GHR: variants seen among roughly 807,000 people sequenced by gnomAD.
GHR encodes GH receptor.
Under a neutral mutation model 67.1 loss-of-function variants are expected in GHR, and 35 were observed. The ratio of observed to expected loss-of-function variants is 0.52; its 90% CI spans 0.40 to 0.69. The LOEUF (loss-of-function observed/expected upper bound fraction) is 0.69. GHR is among the 30% of genes least tolerant of loss of function. The pLI is 0.00. For missense variants in GHR, 792 were observed against 764.6 expected (o/e 1.04, Z -0.42); for synonymous variants, 272 against 269.1 (o/e 1.01, Z -0.10).
In GHR at chr5:42,507,962, T is replaced by A. The variant is rs74368877; in HGVS notation, c.-11-57902T>A. On this transcript the variant is annotated intron_variant, in intron 1 of 9. Transcript: ENST00000230882. Reference sequence around the variant, plus strand: ...CCTGAGTGCAGAGCAGAGGAAGACCTGGAATGGATATGCTATAGGAGGAGG... The same window carrying A: ...CCTGAGTGCAGAGCAGAGGAAGACCAGGAATGGATATGCTATAGGAGGAGG... Among the ~76,000 whole-genome samples the A allele has an allele frequency of 1.4e-3, 216 of 152,278 alleles. 3 individuals are homozygous for A. Among genetic ancestry groups the A allele is most frequent in the African/African-American group, 5.0e-3 (208 of 41,548 alleles).
chr5:42,719,116 G>A lies in GHR; in HGVS notation c.1609G>A (p.Glu537Lys), dbSNP rs749475250. 57 of 1,613,648 alleles carry A rather than the reference G, an allele frequency of 3.5e-5. No individual in the cohort carries two copies. The highest frequency in any genetic ancestry group is 4.5e-5 in the Non-Finnish European group (53 of 1,179,674). Residue 537 changes from glutamate to lysine, a missense_variant, in exon 10 of 10, where the codon GAG becomes AAG. By Grantham distance (56) the Glu-to-Lys change is moderately conservative. Transcript: ENST00000230882. ...CCTTATGGACAATGCCTACTTCTGT[G>A]AGGCAGATGCCAAAAAGTGCATCCC... ...NFLMDNAYFC[E>K]ADAKKCIPVA... is the part of the protein sequence containing the mutation.
At chr5:42,544,870 GAT>G (rs1748669441) in intron 1 of GHR, among the ~76,000 whole-genome samples, 1 of 152,078 alleles carries the variant, frequency 6.6e-6, no homozygotes. Context: ...TCCTATAAAA[GAT>G]ATATGATGGA....
In GHR at chr5:42,636,522, G is replaced by T. The variant is rs1452198651; in HGVS notation, c.136+7419G>T. Reference sequence around the variant, plus strand: ...CACTGATTTGCTGCTTAATTCCACAGCTTCAAAACCAACTCTAATCACTGC... The same window carrying T: ...CACTGATTTGCTGCTTAATTCCACATCTTCAAAACCAACTCTAATCACTGC... On this transcript the variant is annotated intron_variant, in intron 3 of 9. Coordinates refer to ENST00000230882, the MANE Select transcript of GHR (RefSeq NM_000163.5). 2.0e-5 allele frequency among the ~76,000 whole-genome samples: 3 copies of T among 152,256 alleles called. No individual in the cohort carries two copies. The East Asian group carries it at 5.8e-4, about 29-fold the overall frequency.
chr5:42,439,062 GA>G (rs34757330), intron 1 of GHR, among the ~76,000 whole-genome samples: 2 of 151,626 alleles, frequency 1.3e-5, no homozygotes, highest in African/African-American at 2.4e-5. Context: ...AAACTTTCCA[GA>G]AAAAAAATGC....
At chr5:42,466,774 T>G in intron 1 of GHR, 1 of 644,390 alleles carries the variant, frequency 1.6e-6, no homozygotes, top group Non-Finnish European at 2.4e-6. Context: ...AACTGTAACT[T>G]TTAAGGACAT....
chr5:42,576,099 T>TAAAATAAAATAAAATAAATAAAATA (rs11400007), intron 2 of GHR, among the ~76,000 whole-genome samples: 160 of 68,800 alleles, frequency 2.3e-3, no homozygotes, highest in African/African-American at 3.9e-3. Context: ...TAAAATAAAA[T>TAAAATAAAATAAAATAAATAAAATA]AAATAAAATA....
intron 3 of GHR, among the ~76,000 whole-genome samples, chr5:42,677,140 T>TG (rs1409836576): frequency 6.6e-6 from 1 of 152,168 alleles, no homozygotes; most frequent in Non-Finnish European, 1.5e-5. Context: ...TGGCTCAGAA[T>TG]GCTGGAAGAG....
intron 1 of GHR, chr5:42,467,862 A>T: frequency 1.1e-6 from 1 of 916,140 alleles, no homozygotes; most frequent in Non-Finnish European, 1.7e-6. Flanking sequence ...TTAAGGCTGT[A>T]TTTTCCCACA....
chr5:42,643,406 C>A (rs959789716), intron 3 of GHR, among the ~76,000 whole-genome samples: 1 of 152,180 alleles, frequency 6.6e-6, no homozygotes, highest in Non-Finnish European at 1.5e-5. Flanking sequence ...TTAACTACCT[C>A]AATGGACACT....
At chr5:42,524,439 A>C (rs965278793) in intron 1 of GHR, among the ~76,000 whole-genome samples, 1 of 152,218 alleles carries the variant, frequency 6.6e-6, no homozygotes, top group African/African-American at 2.4e-5. Flanking sequence ...GAAATTTCTA[A>C]ACAACAAAGC....
At chr5:42,624,706 A>G (rs1218374943) in intron 2 of GHR, among the ~76,000 whole-genome samples, 1 of 152,190 alleles carries the variant, frequency 6.6e-6, no homozygotes, top group African/African-American at 2.4e-5. Flanking sequence ...AAACTTTCTC[A>G]AGTAATACAT....
At chr5:42,552,858 CA>C (rs748728628) in intron 1 of GHR, among the ~76,000 whole-genome samples, 1 of 152,122 alleles carries the variant, frequency 6.6e-6, no homozygotes, top group Non-Finnish European at 1.5e-5. Context: ...TGTGTTGGGA[CA>C]TTTTTTTGGT....
At chr5:42,616,907 A>G (rs1249624189) in intron 2 of GHR, among the ~76,000 whole-genome samples, 1 of 152,082 alleles carries the variant, frequency 6.6e-6, no homozygotes, top group East Asian at 1.9e-4. Flanking sequence ...AATATAAGAA[A>G]TAAGAAGGGA....
chr5:42,497,085 C>T (rs1369283603), intron 1 of GHR, among the ~76,000 whole-genome samples: 2 of 152,142 alleles, frequency 1.3e-5, no homozygotes, highest in Non-Finnish European at 2.9e-5. Flanking sequence ...TGCCTGGTGT[C>T]CTATTTTTCT....
intron 1 of GHR, among the ~76,000 whole-genome samples, chr5:42,535,493 A>G (rs552301188): frequency 6.6e-6 from 1 of 152,054 alleles, no homozygotes; most frequent in East Asian, 1.9e-4. Context: ...TCTGGGTTCA[A>G]TATTCTGTTC....
chr5:42,516,735 T>G (rs562469230), intron 1 of GHR, among the ~76,000 whole-genome samples: 50 of 152,244 alleles, frequency 3.3e-4, no homozygotes, highest in African/African-American at 9.4e-4. Flanking sequence ...TGGAGAGCCT[T>G]GGAGCCCATC....
At chr5:42,557,612 G>A (rs975449694) in intron 1 of GHR, among the ~76,000 whole-genome samples, 1 of 152,078 alleles carries the variant, frequency 6.6e-6, no homozygotes, top group East Asian at 1.9e-4. Flanking sequence ...GTAAACTGAG[G>A]TTTGGTAGAG....
intron 1 of GHR, among the ~76,000 whole-genome samples, chr5:42,535,693 G>A (rs1167675948): frequency 6.6e-6 from 1 of 152,060 alleles, no homozygotes; most frequent in Non-Finnish European, 1.5e-5. Flanking sequence ...ATTCTGTGAA[G>A]AATGATGGTG....
At chr5:42,671,955 CAA>C (rs33965774) in intron 3 of GHR, among the ~76,000 whole-genome samples, 4 of 111,168 alleles carry the variant, frequency 3.6e-5, no homozygotes, top group African/African-American at 3.7e-5. Context: ...GACTCCGTCT[CAA>C]AAAAAAAAAA....
Sources: gnomAD v4.1 joint callset for allele counts (sites outside exome capture counted in the v4.1 genomes callset) on GRCh38, gnomAD v4.1.1 for gene constraint, MANE v1.5 for transcripts, NCBI Gene and HGNC (gene_info 2026-07-23, HGNC 2026-07-21) for gene names.